Variants in GALNT13 observed in about 807,000 individuals in gnomAD.
GALNT13 encodes UDP-GalNAc:polypeptide N-acetylgalactosaminyltransferase 13.
GALNT13 carries 28 observed loss-of-function variants against 64.2 expected under a neutral mutation model. The observed-to-expected ratio is 0.44, with a 90% CI of 0.32 to 0.60. GALNT13 has a LOEUF of 0.60. Among genes scored for constraint, GALNT13 ranks in the 20% least tolerant of loss-of-function variants. The probability of loss-of-function intolerance (pLI) is 0.05; values close to 1 mark genes in which losing one functional copy is unlikely to be tolerated. For synonymous variants in GALNT13, 214 were observed against 224.6 expected, an observed-to-expected ratio of 0.95 and a Z score of 0.42; for missense variants, 577 against 669.8, an observed-to-expected ratio of 0.86 and a Z score of 1.53.
the GALNT13 span, among the ~76,000 whole-genome samples, chr2:153,206,478 A>G: frequency 6.6e-6 from 1 of 152,034 alleles, no homozygotes. Flanking sequence ...TGATATTTTG[A>G]TACAACCTAT....
chr2:153,821,937 A>C, the GALNT13 span, among the ~76,000 whole-genome samples: 1 of 152,202 alleles, frequency 6.6e-6, no homozygotes, highest in Admixed American at 6.5e-5. Context: ...AAGGATCCTC[A>C]GAGGCTAAGG....
At chr2:154,246,654 G>A (rs964012796) in intron 7 of GALNT13, among the ~76,000 whole-genome samples, 1 of 151,888 alleles carries the variant, frequency 6.6e-6, no homozygotes, top group Non-Finnish European at 1.5e-5. Flanking sequence ...ACTAAAAATC[G>A]ATTTCCTGAA....
the GALNT13 span, among the ~76,000 whole-genome samples, chr2:153,333,460 G>A: frequency 1.3e-5 from 2 of 152,050 alleles, no homozygotes; most frequent in Non-Finnish European, 2.9e-5. Context: ...TCACAATTCT[G>A]TGAAGGAAAT....
the GALNT13 span, among the ~76,000 whole-genome samples, chr2:153,196,037 A>T: frequency 6.6e-6 from 1 of 152,132 alleles, no homozygotes; most frequent in African/African-American, 2.4e-5. Flanking sequence ...GCTGAGCCCA[A>T]GGCTTTTATA....
chr2:153,571,118 C>A, the GALNT13 span, among the ~76,000 whole-genome samples: 4 of 151,898 alleles, frequency 2.6e-5, no homozygotes, highest in Non-Finnish European at 4.4e-5. Flanking sequence ...TTTTTGGTGT[C>A]CCCTTCAACT....
At chr2:153,698,393 G>A in the GALNT13 span, among the ~76,000 whole-genome samples, 3 of 151,948 alleles carry the variant, frequency 2.0e-5, no homozygotes, top group Admixed American at 2.0e-4. Flanking sequence ...TAAATGGATG[G>A]GGAGGAAAAT....
intron 9 of GALNT13, among the ~76,000 whole-genome samples, chr2:154,307,563 T>G (rs1693806718): frequency 6.6e-6 from 1 of 152,142 alleles, no homozygotes; most frequent in Non-Finnish European, 1.5e-5. Context: ...TAAATAGATG[T>G]GTAAATAAAA....
At chr2:153,973,620 C>G (rs571080523) in intron 3 of GALNT13, among the ~76,000 whole-genome samples, 1 of 151,768 alleles carries the variant, frequency 6.6e-6, no homozygotes, top group African/African-American at 2.4e-5. Flanking sequence ...GCCTTACTGA[C>G]AGCAGTTTGA....
the GALNT13 span, among the ~76,000 whole-genome samples, chr2:153,693,965 G>A: frequency 1.1e-3 from 160 of 151,944 alleles, 2 homozygotes; most frequent in South Asian, 2.1e-4. Context: ...AAAATTAGCC[G>A]GGCGTGGTGG....
intron 3 of GALNT13, among the ~76,000 whole-genome samples, chr2:154,072,615 A>C (rs1000102954): frequency 6.6e-6 from 1 of 151,990 alleles, no homozygotes; most frequent in Non-Finnish European, 1.5e-5. Context: ...GTCACCCAAA[A>C]GATTACAAAA....
At position 154,206,159 on chromosome 2, in the gene GALNT13, G is replaced by A. The variant is rs11903778; in HGVS notation, c.312-35871G>A. Among the ~76,000 whole-genome samples, 1,345 of 151,590 alleles carry A rather than the reference G, an allele frequency of 8.9e-3. 20 individuals carry two copies. The highest frequency in any genetic ancestry group is 0.03 in the African/African-American group (1,260 of 41,380). On this transcript the variant is annotated intron_variant, in intron 4 of 12. Coordinates refer to ENST00000392825, the MANE Select transcript of GALNT13 (RefSeq NM_052917.4). The stretch of plus-strand genomic sequence containing the variant: ...ATTACAGGCGCCCGCCACCACGCCC[G>A]GCTAATTTTTCTATTTTTTTTATAG...
chr2:153,673,548 A>AGAACGTATTGATG, the GALNT13 span, among the ~76,000 whole-genome samples: 5 of 152,216 alleles, frequency 3.3e-5, no homozygotes, highest in African/African-American at 1.2e-4. Flanking sequence ...AGGTATTGAT[A>AGAACGTATTGATG]GAACGTATCT....
intron 3 of GALNT13, among the ~76,000 whole-genome samples, chr2:153,973,416 G>A (rs1236875267): frequency 6.6e-6 from 1 of 151,868 alleles, no homozygotes; most frequent in Non-Finnish European, 1.5e-5. Context: ...TATTTTTGAT[G>A]TACTGGTGGA....
chr2:154,145,119 T>TATATATAC lies in GALNT13; in HGVS notation c.311+4615_311+4616insTATATACA, dbSNP rs1444821982. ...ATCTATCTATATATATATATATATA[T>TATATATAC]ACACACACTAAAAATTTACATATAA... On this transcript the variant is annotated intron_variant, in intron 4 of 12. Transcript: ENST00000392825. Among the ~76,000 whole-genome samples the TATATATAC allele has an allele frequency of 4.8e-3, 660 of 137,102 alleles. 5 individuals are homozygous for TATATATAC. Among genetic ancestry groups the TATATATAC allele is most frequent in the African/African-American group, 0.017 (635 of 36,326 alleles). The allele number at this position is 137,102 out of a possible 152,430, so 89.9% of individuals were successfully genotyped here. A position where few individuals can be genotyped will look rare whatever the true frequency, so the allele number is the denominator to read the frequency against.
At chr2:153,369,957 G>C in the GALNT13 span, among the ~76,000 whole-genome samples, 102 of 152,168 alleles carry the variant, frequency 6.7e-4, no homozygotes, top group African/African-American at 2.4e-3. Context: ...TTGACCCATG[G>C]GTTCCTGACT....
intron 7 of GALNT13, chr2:154,257,603 G>A (rs1337139973): frequency 6.6e-6 from 1 of 152,110 alleles, no homozygotes; most frequent in Non-Finnish European, 1.5e-5. Context: ...AACCCAGCAA[G>A]GCGAAAAGTA....
At chr2:153,861,748 G>T in the GALNT13 span, among the ~76,000 whole-genome samples, 3 of 151,742 alleles carry the variant, frequency 2.0e-5, no homozygotes, top group African/African-American at 7.3e-5. Context: ...TGTGATTTTA[G>T]TAGAGATGTT....
chr2:153,497,537 T>A, the GALNT13 span, among the ~76,000 whole-genome samples: 55 of 122,100 alleles, frequency 4.5e-4, no homozygotes, highest in Admixed American at 9.3e-4. Flanking sequence ...TTTTTTTTTT[T>A]TTTTTTTTTT....
chr2:153,267,949 G>C, the GALNT13 span, among the ~76,000 whole-genome samples: 1 of 152,106 alleles, frequency 6.6e-6, no homozygotes, highest in Non-Finnish European at 1.5e-5. Context: ...TCTCCACCTG[G>C]TCCCATCCTT....
Sources: allele counts gnomAD v4.1 joint callset (sites outside exome capture counted in the v4.1 genomes callset), GRCh38; gene constraint gnomAD v4.1.1; transcripts MANE v1.5; gene names NCBI Gene and HGNC (gene_info 2026-07-23, HGNC 2026-07-21).